The following ADCY2 variants were observed in gnomAD, a reference collection of about 807,000 sequenced individuals.
ADCY2 encodes adenylate cyclase 2.
ADCY2 carries 31 observed loss-of-function variants against 125.2 expected under a neutral mutation model. The ratio of observed to expected loss-of-function variants is 0.25; its 90% CI spans 0.19 to 0.33. The LOEUF is 0.33. Among genes scored for constraint, ADCY2 ranks in the 10% least tolerant of loss-of-function variants. The pLI, the probability that ADCY2 is intolerant of heterozygous loss-of-function variation, is 1.00. For synonymous variants in ADCY2, 512 were observed against 548.4 expected (o/e 0.93, Z 0.93); for missense variants, 904 against 1,418.2 (o/e 0.64, Z 5.82).
At chr5:7,552,674 A>G (rs1735377785) in intron 3 of ADCY2, among the ~76,000 whole-genome samples, 1 of 152,218 alleles carries the variant, frequency 6.6e-6, no homozygotes, top group Non-Finnish European at 1.5e-5. Flanking sequence ...AGCTCTGAAG[A>G]AAGAAGGGTT....
chr5:7,496,694 T>A (rs1345368224), intron 2 of ADCY2, among the ~76,000 whole-genome samples: 3 of 152,140 alleles, frequency 2.0e-5, no homozygotes, highest in Admixed American at 1.3e-4. Context: ...TATTAGCTCC[T>A]GATAAACGAG....
chr5:7,590,171 T>G (rs1220240139), intron 3 of ADCY2, among the ~76,000 whole-genome samples: 1 of 152,132 alleles, frequency 6.6e-6, no homozygotes, highest in Admixed American at 6.5e-5. Flanking sequence ...GCACTTCAAC[T>G]AAGTGCAAAG....
rs73739832 is a variant in ADCY2 at position 7,545,062 on chromosome 5, C to T, written c.570+24163C>T. Among the ~76,000 whole-genome samples the T allele has an allele frequency of 8.5e-3, 1,300 of 152,234 alleles. 19 individuals are homozygous for T. The highest frequency in any genetic ancestry group is 0.029 in the African/African-American group (1,219 of 41,552). ...AGCGAGCATAGGAGCAAGATGGGAG[C>T]CGTAGTCTGTGGAGCCTAATCTGGC... On this transcript the variant is annotated intron_variant, in intron 3 of 24. Coordinates refer to ENST00000338316, the MANE Select transcript of ADCY2 (RefSeq NM_020546.3).
At chr5:7,523,329 A>AAT (rs1265005017) in intron 3 of ADCY2, among the ~76,000 whole-genome samples, 1 of 152,054 alleles carries the variant, frequency 6.6e-6, no homozygotes, top group Non-Finnish European at 1.5e-5. Context: ...AAAAAAAAAA[A>AAT]AAAGTGGGAA....
At chr5:7,443,522 C>T (rs1284122800) in intron 2 of ADCY2, among the ~76,000 whole-genome samples, 1 of 150,610 alleles carries the variant, frequency 6.6e-6, no homozygotes, top group African/African-American at 2.4e-5. Context: ...TGCCTGTAGT[C>T]CCAGCTACTC....
intron 4 of ADCY2, among the ~76,000 whole-genome samples, chr5:7,678,166 T>C (rs559808937): frequency 6.6e-6 from 1 of 152,348 alleles, no homozygotes; most frequent in South Asian, 2.1e-4. Flanking sequence ...TTCTGCTTCC[T>C]GGCAGAAAAC....
intron 3 of ADCY2, among the ~76,000 whole-genome samples, chr5:7,616,675 A>G (rs1294191610): frequency 6.6e-6 from 1 of 152,244 alleles, no homozygotes; most frequent in Non-Finnish European, 1.5e-5. Context: ...CCATTTTGAC[A>G]TTCCAGTAGA....
intron 3 of ADCY2, among the ~76,000 whole-genome samples, chr5:7,553,058 A>G (rs756692939): frequency 1.1e-4 from 17 of 152,188 alleles, no homozygotes; most frequent in African/African-American, 4.1e-4. Context: ...GGAAAGCCTG[A>G]TAAGACTCAG....
chr5:7,749,773 C>G (rs2126444679), intron 15 of ADCY2: 1 of 152,286 alleles, frequency 6.6e-6, no homozygotes, highest in East Asian at 1.9e-4. Flanking sequence ...TAATACGATG[C>G]CAGCCCACCA....
At position 7,762,253 on chromosome 5, in the gene ADCY2, A is replaced by C. The variant is rs182251562; in HGVS notation, c.2095-4434A>C. Among the ~76,000 whole-genome samples, 131 of 152,326 alleles carry C rather than the reference A, an allele frequency of 8.6e-4. 1 individual carries two copies. The highest frequency in any genetic ancestry group is 4.6e-3 in the South Asian group (22 of 4,826). On this transcript the variant is annotated intron_variant, in intron 16 of 24. Transcript: ENST00000338316. ...ACTTATGTCAAAGAAAAATCATAAA[A>C]CTGTAGGAAAGTTGGTGTTAGGTAC...
At chr5:7,644,820 C>T (rs1157924458) in intron 4 of ADCY2, among the ~76,000 whole-genome samples, 2 of 152,100 alleles carry the variant, frequency 1.3e-5, no homozygotes, top group Admixed American at 1.3e-4. Flanking sequence ...AAGCTACACC[C>T]TTAGCTTAAG....
At chr5:7,587,470 A>G (rs1736668900) in intron 3 of ADCY2, among the ~76,000 whole-genome samples, 1 of 152,186 alleles carries the variant, frequency 6.6e-6, no homozygotes, top group Non-Finnish European at 1.5e-5. Flanking sequence ...AATATCATAC[A>G]TGATGTAGTA....
chr5:7,463,728 C>T (rs959312002), intron 2 of ADCY2, among the ~76,000 whole-genome samples: 1 of 152,000 alleles, frequency 6.6e-6, no homozygotes, highest in South Asian at 2.1e-4. Context: ...TTTACTCTTC[C>T]CCTCCAGAAA....
At chr5:7,744,895 G>T (rs1197680847) in intron 15 of ADCY2, among the ~76,000 whole-genome samples, 1 of 152,154 alleles carries the variant, frequency 6.6e-6, no homozygotes, top group African/African-American at 2.4e-5. Flanking sequence ...TTTTCACATT[G>T]TCAAAATTAT....
At chr5:7,449,389 C>A (rs1216011077) in intron 2 of ADCY2, among the ~76,000 whole-genome samples, 1 of 152,106 alleles carries the variant, frequency 6.6e-6, no homozygotes, top group Non-Finnish European at 1.5e-5. Flanking sequence ...TCAGTGTATT[C>A]TGTACTATTT....
At chr5:7,699,017 G>C (rs961597014) in intron 7 of ADCY2, among the ~76,000 whole-genome samples, 1 of 138,912 alleles carries the variant, frequency 7.2e-6, no homozygotes, top group African/African-American at 2.6e-5. Flanking sequence ...GCGTAAAAGC[G>C]CTCCTATTTC....
intron 3 of ADCY2, among the ~76,000 whole-genome samples, chr5:7,624,674 G>C (rs1018549005): frequency 6.6e-6 from 1 of 152,212 alleles, no homozygotes; most frequent in Non-Finnish European, 1.5e-5. Flanking sequence ...CCTGTCACAA[G>C]GAACCTTGAA....
chr5:7,532,776 A>G (rs537128488), intron 3 of ADCY2, among the ~76,000 whole-genome samples: 1 of 152,186 alleles, frequency 6.6e-6, no homozygotes, highest in African/African-American at 2.4e-5. Flanking sequence ...TTGGATTTTC[A>G]GAATTCTCCT....
At chr5:7,483,723 C>A (rs970248797) in intron 2 of ADCY2, among the ~76,000 whole-genome samples, 1 of 152,132 alleles carries the variant, frequency 6.6e-6, no homozygotes, top group Non-Finnish European at 1.5e-5. Context: ...CAGTCTCAGG[C>A]ACTCCCACTG....
Sources: gnomAD v4.1 joint callset for allele counts (sites outside exome capture counted in the v4.1 genomes callset) on GRCh38, gnomAD v4.1.1 for gene constraint, MANE v1.5 for transcripts, NCBI Gene and HGNC (gene_info 2026-07-23, HGNC 2026-07-21) for gene names.